Variants in KIAA1217 observed in about 807,000 individuals in gnomAD.
The protein encoded by KIAA1217 is sickle tail protein homolog.
A neutral mutation model predicts 163.9 loss-of-function variants in KIAA1217; 88 were observed. That is an observed-to-expected ratio of 0.54 (90% CI 0.45 to 0.64). KIAA1217 has a LOEUF of 0.64. Ranked by LOEUF, KIAA1217 falls within the 30% of genes least tolerant of loss-of-function variation. The pLI, the probability that KIAA1217 is intolerant of heterozygous loss-of-function variation, is 0.00. For missense variants in KIAA1217, 2,372 were observed against 2,475.0 expected (o/e 0.96, Z 0.88); for synonymous variants, 903 against 923.1 (o/e 0.98, Z 0.39).
chr10:24,026,548 T>C (rs1428165075), intron 2 of KIAA1217, among the ~76,000 whole-genome samples: 1 of 151,876 alleles, frequency 6.6e-6, no homozygotes. Flanking sequence ...TTTATTGGTA[T>C]AAAGCTATTC....
intron 1 of KIAA1217, among the ~76,000 whole-genome samples, chr10:23,758,290 CA>C (rs1383619941): frequency 2.0e-5 from 3 of 152,148 alleles, no homozygotes; most frequent in Non-Finnish European, 2.9e-5. Flanking sequence ...CAAAATTTCC[CA>C]GCACCATTTG....
At chr10:23,921,282 C>T (rs1218428647) in intron 1 of KIAA1217, among the ~76,000 whole-genome samples, 1 of 152,148 alleles carries the variant, frequency 6.6e-6, no homozygotes, top group Non-Finnish European at 1.5e-5. Context: ...GTCAGGGACA[C>T]AGAACACCCC....
chr10:24,397,669 A>G (rs2055986519), intron 3 of KIAA1217, among the ~76,000 whole-genome samples: 1 of 152,210 alleles, frequency 6.6e-6, no homozygotes, highest in Non-Finnish European at 1.5e-5. Context: ...CAGTTTGAAA[A>G]GGGGGAAGGT....
chr10:24,276,932 T>A (rs12774971), intron 2 of KIAA1217, among the ~76,000 whole-genome samples: 252 of 131,820 alleles, frequency 1.9e-3, no homozygotes, highest in Non-Finnish European at 2.2e-3. Context: ...AAAAAAAAAA[T>A]AAAAATCGTA....
At chr10:23,866,993 T>A (rs1403137239) in intron 1 of KIAA1217, among the ~76,000 whole-genome samples, 1 of 84,176 alleles carries the variant, frequency 1.2e-5, no homozygotes, top group Non-Finnish European at 2.2e-5. Flanking sequence ...AAGCTATCCC[T>A]CCCCCCTCCC....
chr10:24,355,850 G>A (rs2049036531), intron 2 of KIAA1217, among the ~76,000 whole-genome samples: 1 of 138,832 alleles, frequency 7.2e-6, no homozygotes, highest in African/African-American at 2.7e-5. Context: ...CCGGGTTCAA[G>A]CCATTCTCCT....
At chr10:23,898,324 CACAT>C (rs777980952) in intron 1 of KIAA1217, among the ~76,000 whole-genome samples, 52 of 146,226 alleles carry the variant, frequency 3.6e-4, no homozygotes, top group Admixed American at 1.4e-3. Context: ...CACACACACA[CACAT>C]ATATATAATA....
intron 3 of KIAA1217, among the ~76,000 whole-genome samples, chr10:24,392,267 T>C (rs2055088422): frequency 6.6e-6 from 1 of 152,190 alleles, no homozygotes; most frequent in South Asian, 2.1e-4. Context: ...TTTAAGGCAT[T>C]ATCTTCCAAC....
chr10:24,104,054 A>C (rs1274561525), intron 2 of KIAA1217, among the ~76,000 whole-genome samples: 1 of 152,108 alleles, frequency 6.6e-6, no homozygotes, highest in Non-Finnish European at 1.5e-5. Context: ...GGATTCATTC[A>C]TTACTGGTGG....
At chr10:24,445,776 A>C (rs2060880412) in intron 5 of KIAA1217, among the ~76,000 whole-genome samples, 1 of 151,720 alleles carries the variant, frequency 6.6e-6, no homozygotes, top group Non-Finnish European at 1.5e-5. Context: ...AATCCAGTCT[A>C]TCCTTGTTGG....
At chr10:24,327,597 C>T (rs1341126565) in intron 2 of KIAA1217, among the ~76,000 whole-genome samples, 2 of 152,048 alleles carry the variant, frequency 1.3e-5, no homozygotes, top group Non-Finnish European at 2.9e-5. Context: ...TTGAAGCGAT[C>T]CTCCCACCTC....
At chr10:24,122,045 C>A (rs540397414) in intron 2 of KIAA1217, among the ~76,000 whole-genome samples, 1 of 152,088 alleles carries the variant, frequency 6.6e-6, no homozygotes, top group East Asian at 1.9e-4. Context: ...GGTACATGTG[C>A]ATGTTTGTTA....
chr10:24,159,922 T>G (rs1278217240), intron 2 of KIAA1217, among the ~76,000 whole-genome samples: 1 of 152,266 alleles, frequency 6.6e-6, no homozygotes, highest in African/African-American at 2.4e-5. Flanking sequence ...TGTTTCCTTC[T>G]TTGATATCTA....
intron 2 of KIAA1217, among the ~76,000 whole-genome samples, chr10:24,154,926 C>CAAAAA (rs1250719385): frequency 2.9e-5 from 2 of 68,698 alleles, no homozygotes; most frequent in African/African-American, 1.0e-4. Context: ...GACTCCATGT[C>CAAAAA]AAAAAAAAAA....
rs1484920801 is a variant in KIAA1217 at position 24,547,230 on chromosome 10, AATATAC to A, written c.*910_*915del. ...ACCGAAAAACTTTTGTAAATATATA[AATATAC>A]ATAGACATAAAAATACTGTATGTGA... On this transcript the variant is annotated 3_prime_UTR_variant, in exon 21 of 21. Transcript: ENST00000376454. The A allele has an allele frequency of 6.6e-6, 1 of 152,498 alleles. No individual in the cohort carries two copies. The highest frequency in any genetic ancestry group is 1.5e-5 in the Non-Finnish European group (1 of 68,008). 9.4% of individuals were successfully genotyped at this position (152,498 alleles called of 1,614,324 possible).
At chr10:24,494,962 A>G in intron 7 of KIAA1217, 185 bp from the exon 8 acceptor site, 1 of 596,720 alleles carries the variant, frequency 1.7e-6, no homozygotes, top group South Asian at 2.1e-5. Flanking sequence ...TTCCACCCCC[A>G]GTGTCAGGTG....
chr10:24,080,333 T>C (rs904892371), intron 2 of KIAA1217, among the ~76,000 whole-genome samples: 2 of 152,158 alleles, frequency 1.3e-5, no homozygotes, highest in Non-Finnish European at 2.9e-5. Context: ...GGTCAGTGTT[T>C]GTCCTTGGTT....
At chr10:24,475,203 G>C (rs1246461651) in intron 6 of KIAA1217, among the ~76,000 whole-genome samples, 1 of 152,156 alleles carries the variant, frequency 6.6e-6, no homozygotes, top group Non-Finnish European at 1.5e-5. Context: ...TGGGGGACAA[G>C]AGCAAGACTT....
intron 1 of KIAA1217, among the ~76,000 whole-genome samples, chr10:23,971,176 A>G (rs1297279339): frequency 1.3e-5 from 2 of 152,124 alleles, no homozygotes; most frequent in Admixed American, 6.5e-5. Context: ...GGCCGCGTGC[A>G]CAGTGTGTTT....
Sources: gnomAD v4.1 joint callset for allele counts (sites outside exome capture counted in the v4.1 genomes callset) on GRCh38, gnomAD v4.1.1 for gene constraint, MANE v1.5 for transcripts, NCBI Gene and HGNC (gene_info 2026-07-23, HGNC 2026-07-21) for gene names.